The following C5orf52 variants were observed in gnomAD, a reference collection of about 807,000 sequenced individuals.
C5orf52 encodes the protein chromosome 5 open reading frame 52, also known as uncharacterized protein C5orf52.
A neutral mutation model predicts 16.8 loss-of-function variants in C5orf52; 15 were observed. The observed-to-expected ratio is 0.89, with a 90% CI of 0.60 to 1.38. C5orf52 has a LOEUF of 1.38. Ranked by LOEUF, C5orf52 falls within the 40% of genes most tolerant of loss-of-function variation. The pLI, the probability that C5orf52 is intolerant of heterozygous loss-of-function variation, is 0.00. For synonymous variants in C5orf52, 83 were observed against 87.2 expected, an observed-to-expected ratio of 0.95 and a Z score of 0.27; for missense variants, 206 against 213.1, an observed-to-expected ratio of 0.97 and a Z score of 0.21.
chr5:157,675,097 T>A lies in C5orf52; in HGVS notation c.218T>A (p.Met73Lys). 2 of 1,549,276 alleles carry A rather than the reference T, an allele frequency of 1.3e-6. No individual in the cohort carries two copies. Among genetic ancestry groups the A allele is most frequent in the Non-Finnish European group, 1.7e-6 (2 of 1,144,736 alleles). The change falls in exon 2 of 3, where the codon ATG (methionine) becomes AAG (lysine). Residue 73 changes from methionine (M) to lysine (K), a missense_variant. Coordinates refer to ENST00000409999, the MANE Select transcript of C5orf52 (RefSeq NM_001145132.2). ...SAQQPVLFSL[M>K]NSSEAAMKKT... is the part of the protein sequence containing the mutation. ...CCTTTCCCTCCCTGCTCCAGCTTAA[T>A]GAATTCCAGTGAAGCAGCGATGAAA...
upstream of C5orf52, chr5:157,671,455 C>T: frequency 4.8e-6 from 3 of 626,400 alleles, no homozygotes; most frequent in East Asian, 2.9e-5. Context: ...TCCAACAGCC[C>T]CCGTCCCCTT....
chr5:157,679,886 G>C lies in C5orf52; in HGVS notation c.367G>C (p.Glu123Gln). ...CAAGAAAAAGATCAGCCACTACTAT[G>C]AACACCTGAAAAAAAAGTTCATGAC... ...KTKKKISHYY[E>Q]HLKKKFMTEQ... The change falls in exon 3 of 3, where the codon GAA (glutamate) becomes CAA (glutamine). Residue 123 changes from glutamate (E) to glutamine (Q), a missense_variant. Glu to Gln is a conservative substitution (Grantham distance 29). Transcript: ENST00000409999. 6.4e-7 allele frequency: 1 copy of C among 1,551,690 alleles called. No individual in the cohort carries two copies.
upstream of C5orf52, chr5:157,671,431 ACT>A (rs1217513279): frequency 6.8e-6 from 4 of 591,004 alleles, no homozygotes; most frequent in Non-Finnish European, 1.2e-5. Flanking sequence ...TGGCCGCCGG[ACT>A]CTGCACGCAT....
intron 2 of C5orf52, among the ~76,000 whole-genome samples, chr5:157,678,329 A>C (rs1175108976): frequency 6.6e-6 from 1 of 152,210 alleles, no homozygotes; most frequent in Non-Finnish European, 1.5e-5. Context: ...GCTTATCAGA[A>C]TCCCCTGGAG....
chr5:157,676,854 T>A (rs1041270078), intron 2 of C5orf52, among the ~76,000 whole-genome samples: 10 of 119,452 alleles, frequency 8.4e-5, no homozygotes, highest in Admixed American at 1.5e-4. Context: ...CCCCTTTTTT[T>A]AATTTCCTTT....
At chr5:157,671,862 T>C in intron 1 of C5orf52, 36 bp downstream of exon 1, 1 of 1,385,038 alleles carries the variant, frequency 7.2e-7, no homozygotes, top group Non-Finnish European at 9.6e-7. Flanking sequence ...CGTCAGACCC[T>C]CGGACCCGCG....
intron 2 of C5orf52, among the ~76,000 whole-genome samples, 181 bp downstream of exon 2, chr5:157,675,381 C>T (rs552479316): frequency 8.9e-4 from 135 of 152,214 alleles, no homozygotes; most frequent in Middle Eastern, 3.4e-3. Flanking sequence ...CGCAAGGTGT[C>T]GCACCTGTTC....
At chr5:157,675,038 T>C in intron 1 of C5orf52, 54 bp from the exon 2 acceptor site, 1 of 1,227,324 alleles carries the variant, frequency 8.1e-7, no homozygotes, top group South Asian at 1.3e-5. Flanking sequence ...AAATGTGCTC[T>C]GGCCCAGGCC....
intron 2 of C5orf52, among the ~76,000 whole-genome samples, chr5:157,676,348 C>T (rs1389425665): frequency 6.6e-6 from 1 of 152,166 alleles, no homozygotes; most frequent in African/African-American, 2.4e-5. Flanking sequence ...GCTGGGATTA[C>T]AGGAGTGAGC....
Position 157,675,237 on chromosome 5 carries a change from A to G in C5orf52, c.321+37A>G, listed in dbSNP as rs1379107154. Reference sequence around the variant, plus strand: ...ACAAGCTTTTGCATTAGAGGGTGTTAGTGGCTTGACCCATATTCATTTCAT... The same window carrying G: ...ACAAGCTTTTGCATTAGAGGGTGTTGGTGGCTTGACCCATATTCATTTCAT... On this transcript the variant is annotated intron_variant, in intron 2 of 2. Transcript: ENST00000409999. The G allele has an allele frequency of 7.2e-6, 9 of 1,245,596 alleles. No individual in the cohort carries two copies. The Admixed American group carries it at 1.4e-4, about 19-fold the overall frequency. The allele number at this position is 1,245,596 out of a possible 1,614,324, so 77.2% of individuals were successfully genotyped here. A position where few individuals can be genotyped will look rare whatever the true frequency, so the allele number is the denominator to read the frequency against.
intron 1 of C5orf52, among the ~76,000 whole-genome samples, chr5:157,673,283 G>A (rs564714987): frequency 1.8e-3 from 267 of 152,114 alleles, no homozygotes; most frequent in African/African-American, 6.3e-3. Context: ...GTTGCATTGA[G>A]CGGAGATTGC....
At chr5:157,671,176 T>C (rs561920637), upstream of C5orf52, among the ~76,000 whole-genome samples, 82 of 152,302 alleles carry the variant, frequency 5.4e-4, no homozygotes, top group Admixed American at 4.3e-3. Context: ...AGCAATTGTC[T>C]CGTCGCAGAA....
chr5:157,672,324 C>G (rs909107257), intron 1 of C5orf52, among the ~76,000 whole-genome samples: 1 of 152,148 alleles, frequency 6.6e-6, no homozygotes, highest in Non-Finnish European at 1.5e-5. Context: ...TACCCGCGCT[C>G]CTTTCCATTC....
At chr5:157,674,314 C>T (rs1370201276) in intron 1 of C5orf52, among the ~76,000 whole-genome samples, 1 of 152,114 alleles carries the variant, frequency 6.6e-6, no homozygotes, top group Non-Finnish European at 1.5e-5. Context: ...TCCCCCAACC[C>T]CCCACCTCCC....
intron 2 of C5orf52, among the ~76,000 whole-genome samples, chr5:157,676,579 T>C (rs745837088): frequency 6.6e-6 from 1 of 152,172 alleles, no homozygotes; most frequent in South Asian, 2.1e-4. Flanking sequence ...GTAGTGGAAA[T>C]AGATGGGCAA....
chr5:157,674,724 C>T (rs528082113), intron 1 of C5orf52, among the ~76,000 whole-genome samples: 182 of 152,226 alleles, frequency 1.2e-3, no homozygotes, highest in African/African-American at 4.2e-3. Context: ...CAAGATTGCA[C>T]CACCACACTC....
intron 2 of C5orf52, 83 bp from the exon 3 acceptor site, chr5:157,679,758 A>T: frequency 7.5e-7 from 1 of 1,336,970 alleles, no homozygotes; most frequent in South Asian, 1.5e-5. Context: ...CATCAGTAGC[A>T]CAGATGTCTG....
chr5:157,678,872 T>C (rs1264750660), intron 2 of C5orf52, among the ~76,000 whole-genome samples: 2 of 152,140 alleles, frequency 1.3e-5, no homozygotes, highest in Non-Finnish European at 2.9e-5. Context: ...CGGTGGTTCA[T>C]GCCTGTAATC....
At chr5:157,675,385 C>T (rs537491102) in intron 2 of C5orf52, among the ~76,000 whole-genome samples, 185 bp downstream of exon 2, 34 of 152,268 alleles carry the variant, frequency 2.2e-4, no homozygotes, top group African/African-American at 7.9e-4. Flanking sequence ...AGGTGTCGCA[C>T]CTGTTCCTGG....
Sources: allele counts gnomAD v4.1 joint callset (sites outside exome capture counted in the v4.1 genomes callset), GRCh38; gene constraint gnomAD v4.1.1; transcripts MANE v1.5; gene names NCBI Gene and HGNC (gene_info 2026-07-23, HGNC 2026-07-21).